Variants in SLC17A1 observed in about 807,000 individuals in gnomAD.
SLC17A1 encodes the protein solute carrier family 17 member 1.
A neutral mutation model predicts 53.5 loss-of-function variants in SLC17A1; 51 were observed. The ratio of observed to expected loss-of-function variants is 0.95; its 90% CI spans 0.76 to 1.20. The LOEUF (loss-of-function observed/expected upper bound fraction) is 1.20. Ranked by LOEUF, SLC17A1 falls within the 50% of genes most tolerant of loss-of-function variation. SLC17A1 has a pLI of 0.00. For synonymous variants in SLC17A1, 179 were observed against 198.8 expected, an observed-to-expected ratio of 0.90 and a Z score of 0.84; for missense variants, 538 against 568.2, an observed-to-expected ratio of 0.95 and a Z score of 0.54.
At chr6:25,816,910 C>T (rs557845684) in intron 6 of SLC17A1, among the ~76,000 whole-genome samples, 21 of 147,082 alleles carry the variant, frequency 1.4e-4, no homozygotes, top group African/African-American at 5.0e-4. Flanking sequence ...TGCAATGGCA[C>T]GATCTTGGCT....
At chr6:25,810,505 C>T (rs1271869364) in intron 10 of SLC17A1, among the ~76,000 whole-genome samples, 1 of 152,016 alleles carries the variant, frequency 6.6e-6, no homozygotes, top group African/African-American at 2.4e-5. Flanking sequence ...GAAAACAATG[C>T]CCAACACCAC....
intron 3 of SLC17A1, among the ~76,000 whole-genome samples, chr6:25,821,666 T>C (rs1476354993): frequency 3.3e-5 from 5 of 152,252 alleles, no homozygotes; most frequent in East Asian, 1.9e-4. Flanking sequence ...CAGCAGAATG[T>C]AGAAAATAAA....
the SLC17A1 span, among the ~76,000 whole-genome samples, chr6:25,743,725 G>A: frequency 2.9e-4 from 44 of 152,320 alleles, no homozygotes; most frequent in Non-Finnish European, 5.7e-4. Context: ...TACTGAGCAT[G>A]CACATATGAC....
At chr6:25,735,103 T>C in the SLC17A1 span, among the ~76,000 whole-genome samples, 1 of 152,210 alleles carries the variant, frequency 6.6e-6, no homozygotes, top group Admixed American at 6.5e-5. Flanking sequence ...ATGGCATTAA[T>C]CTATCATCCT....
chr6:25,739,500 C>A, the SLC17A1 span, among the ~76,000 whole-genome samples: 1 of 152,098 alleles, frequency 6.6e-6, no homozygotes, highest in African/African-American at 2.4e-5. Context: ...ATATCCATAG[C>A]AGATTGTTTT....
rs936774838 is a variant in SLC17A1, at chr6:25,830,494, C to T, written c.34+30G>A. On this transcript the variant is annotated intron_variant, in intron 2 of 12. Coordinates refer to ENST00000244527, the MANE Select transcript of SLC17A1 (RefSeq NM_005074.5). ...GATGTAATATTTAAGAAAAAGAACACCTGTTTAATGGAACAGAATAAAGTG... is the reference window on the plus strand; with the variant it reads ...GATGTAATATTTAAGAAAAAGAACATCTGTTTAATGGAACAGAATAAAGTG... 3.3e-6 allele frequency: 5 copies of T among 1,500,548 alleles called. No homozygotes were observed. The African/African-American group carries it at 4.1e-5, about 12-fold the overall frequency. 93.0% of individuals were successfully genotyped at this position (1,500,548 alleles called of 1,614,324 possible).
At chr6:25,823,977 T>A (rs1430623780) in intron 3 of SLC17A1, among the ~76,000 whole-genome samples, 2 of 151,896 alleles carry the variant, frequency 1.3e-5, no homozygotes, top group Non-Finnish European at 2.9e-5. Flanking sequence ...TCCATGAACA[T>A]TCAGAGGCAA....
chr6:25,724,409 C>A, the SLC17A1 span, among the ~76,000 whole-genome samples: 1 of 152,108 alleles, frequency 6.6e-6, no homozygotes, highest in Non-Finnish European at 1.5e-5. Context: ...GGTGACAGAG[C>A]GAGACTCTGG....
At chr6:25,773,788 C>A in the SLC17A1 span, 12 of 1,036,138 alleles carry the variant, frequency 1.2e-5, no homozygotes, top group Admixed American at 2.5e-5. Context: ...TAGGACCAGG[C>A]AGGACCTCCA....
chr6:25,774,350 C>G, the SLC17A1 span, among the ~76,000 whole-genome samples: 1 of 152,172 alleles, frequency 6.6e-6, no homozygotes, highest in African/African-American at 2.4e-5. Context: ...ATGTTAGTGA[C>G]AGTTCACAAA....
chr6:25,731,994 GA>G, the SLC17A1 span: 2 of 1,582,198 alleles, frequency 1.3e-6, no homozygotes, highest in South Asian at 2.2e-5. Context: ...CATGGCCTTG[GA>G]AGAGATTCCA....
intron 3 of SLC17A1, among the ~76,000 whole-genome samples, chr6:25,821,847 T>C (rs1764573625): frequency 6.6e-6 from 1 of 152,176 alleles, no homozygotes; most frequent in African/African-American, 2.4e-5. Context: ...CTTAGAAATA[T>C]ATATACTCAT....
Position 25,784,467 on chromosome 6 carries a change from A to G in SLC17A1, c.*3-1249T>C, listed in dbSNP as rs1270441854. On this transcript the variant is annotated intron_variant, in intron 12 of 12. Coordinates refer to ENST00000244527, the MANE Select transcript of SLC17A1 (RefSeq NM_005074.5). Reference sequence around the variant, plus strand: ...AGCCAGTGCATCACATGGTGAGAGCAGGGGCAATAGAGAGAGAGATGGGAG... The same window carrying G: ...AGCCAGTGCATCACATGGTGAGAGCGGGGGCAATAGAGAGAGAGATGGGAG... 4.6e-5 allele frequency among the ~76,000 whole-genome samples: 7 copies of G among 152,176 alleles called. No individual in the cohort carries two copies. In the South Asian group the frequency reaches 1.2e-3, roughly 27 times the overall value.
chr6:25,816,024 G>A (rs11555553), intron 6 of SLC17A1, among the ~76,000 whole-genome samples: 1 of 148,354 alleles, frequency 6.7e-6, no homozygotes, highest in Non-Finnish European at 1.5e-5. Context: ...CACTTTTCTT[G>A]TACCAGACCC....
the SLC17A1 span, among the ~76,000 whole-genome samples, chr6:25,760,772 A>T: frequency 2.0e-5 from 3 of 152,038 alleles, no homozygotes; most frequent in Non-Finnish European, 4.4e-5. Context: ...TTTAATGCCT[A>T]ATTTTTTTTG....
chr6:25,783,695 A>G (rs973033682), intron 12 of SLC17A1, among the ~76,000 whole-genome samples: 1 of 152,108 alleles, frequency 6.6e-6, no homozygotes, highest in Non-Finnish European at 1.5e-5. Context: ...AATAAGACAT[A>G]CCTTTTGTAC....
At chr6:25,755,822 G>A in the SLC17A1 span, among the ~76,000 whole-genome samples, 1 of 152,156 alleles carries the variant, frequency 6.6e-6, no homozygotes. Context: ...TCTGGAACCT[G>A]TTGCCCTCCC....
chr6:25,781,393 A>G (rs1302643912), downstream of SLC17A1, among the ~76,000 whole-genome samples: 3 of 152,192 alleles, frequency 2.0e-5, no homozygotes, highest in Non-Finnish European at 2.9e-5. Context: ...ACCAATGCCA[A>G]ATTTGCAGTG....
intron 12 of SLC17A1, among the ~76,000 whole-genome samples, chr6:25,784,115 A>G (rs778249574): frequency 6.6e-6 from 1 of 152,164 alleles, no homozygotes; most frequent in African/African-American, 2.4e-5. Context: ...AGTTATTAAA[A>G]CATGGCGTCC....
Sources: gnomAD v4.1 joint callset for allele counts (sites outside exome capture counted in the v4.1 genomes callset) on GRCh38, gnomAD v4.1.1 for gene constraint, MANE v1.5 for transcripts, NCBI Gene and HGNC (gene_info 2026-07-23, HGNC 2026-07-21) for gene names.